Variants in MDH1 observed in about 807,000 individuals in gnomAD.
MDH1 encodes the protein malate dehydrogenase, cytoplasmic.
A neutral mutation model predicts 38.7 loss-of-function variants in MDH1; 15 were observed. The ratio of observed to expected loss-of-function variants is 0.39; its 90% CI spans 0.26 to 0.60. MDH1 has a LOEUF of 0.60. Among genes scored for constraint, MDH1 ranks in the 20% least tolerant of loss-of-function variants. The pLI, the probability that MDH1 is intolerant of heterozygous loss-of-function variation, is 0.56. For missense variants in MDH1, 368 were observed against 405.2 expected (o/e 0.91, Z 0.79); for synonymous variants, 144 against 143.6 (o/e 1.00, Z -0.02).
chr2:63,600,533 C>G (rs750847952), intron 5 of MDH1, among the ~76,000 whole-genome samples: 2 of 152,290 alleles, frequency 1.3e-5, no homozygotes, highest in Admixed American at 1.3e-4. Context: ...GTATCTACCT[C>G]AGAGAGTTCT....
intron 4 of MDH1, among the ~76,000 whole-genome samples, chr2:63,598,519 C>G (rs188130661): frequency 5.9e-5 from 9 of 152,230 alleles, no homozygotes; most frequent in Admixed American, 5.2e-4. Context: ...AACTGATTTC[C>G]ATATACTTTC....
At position 63,604,738 on chromosome 2, in the gene MDH1, G is replaced by A; in HGVS notation, c.541G>A (p.Val181Ile). 6.2e-7 allele frequency: 1 copy of A among 1,614,100 alleles called. No homozygotes were observed. Among genetic ancestry groups the A allele is most frequent in the African/African-American group, 1.3e-5 (1 of 75,054 alleles). Residue 181 changes from valine (V) to isoleucine (I), a missense_variant, in exon 6 of 9, where the codon GTC becomes ATC. By Grantham distance (29) the Val-to-Ile change is conservative. Transcript: ENST00000233114. Reference protein sequence around the residue: ...LGVTANDVKNVIIWGNHSSTQ... With the variant: ...LGVTANDVKNIIIWGNHSSTQ... ...TGTGACTGCTAATGATGTAAAGAAT[G>A]TCATTATCTGGGGAAACCATTCCTC...
At chr2:63,606,797 A>T in intron 8 of MDH1, 65 bp from the exon 9 acceptor site, 1 of 1,303,008 alleles carries the variant, frequency 7.7e-7, no homozygotes, top group Non-Finnish European at 1.1e-6. Flanking sequence ...AAGTTCAAAC[A>T]AGGTTGTTGC....
At position 63,599,313 on chromosome 2, in the gene MDH1, A is replaced by C. The variant is rs1411516546; in HGVS notation, c.498+21A>C. 5 of 1,600,316 alleles carry C rather than the reference A, an allele frequency of 3.1e-6. No individual in the cohort carries two copies. In the Admixed American group the frequency reaches 8.6e-5, roughly 28 times the overall value. ...CTCAAGTAAGAAAAATATATTTTAA[A>C]TCTTGTGGTTGTTCAACTTTAAAAC... On this transcript the variant is annotated intron_variant, in intron 5 of 8. Transcript: ENST00000233114.
chr2:63,590,359 G>C (rs1011868403), intron 1 of MDH1: 3 of 152,018 alleles, frequency 2.0e-5, no homozygotes, highest in Non-Finnish European at 2.9e-5. Context: ...TTTCTATATT[G>C]TGTCTTACAC....
At chr2:63,606,753 G>T in intron 8 of MDH1, 109 bp from the exon 9 acceptor site, 2 of 630,178 alleles carry the variant, frequency 3.2e-6, no homozygotes, top group Non-Finnish European at 2.4e-6. Context: ...ATTTACTTTA[G>T]AATCAGACTT....
At position 63,599,233 on chromosome 2, in the gene MDH1, AT is replaced by A; in HGVS notation, c.440del (p.Ile147ThrfsTer9). 1 of 1,613,702 alleles carries A rather than the reference AT, an allele frequency of 6.2e-7. No individual in the cohort carries two copies. Among genetic ancestry groups the A allele is most frequent in the Non-Finnish European group, 8.5e-7 (1 of 1,179,736 alleles). ...GACTGCTTCCAAGTCAGCTCCATCC[AT>A]CCCCAAGGAGAACTTCAGTTGCTTG... ...CLTASKSAPS[I>X]PKENFSCLTR... On this transcript the variant is annotated frameshift_variant, in exon 5 of 9. Coordinates refer to ENST00000233114, the MANE Select transcript of MDH1 (RefSeq NM_005917.4). LOFTEE classifies it high-confidence loss of function.
chr2:63,599,396 GT>G, intron 5 of MDH1, 104 bp downstream of exon 5: 1 of 1,155,214 alleles, frequency 8.7e-7, no homozygotes, highest in Non-Finnish European at 1.2e-6. Flanking sequence ...TCTTGTTTTT[GT>G]TTAGTAGGAA....
At chr2:63,591,320 TTCTC>T (rs565506761) in intron 1 of MDH1, among the ~76,000 whole-genome samples, 1 of 152,234 alleles carries the variant, frequency 6.6e-6, no homozygotes, top group African/African-American at 2.4e-5. Flanking sequence ...GGACTTTTCT[TTCTC>T]TGTTTCATCT....
intron 1 of MDH1, among the ~76,000 whole-genome samples, chr2:63,592,488 C>G (rs1279394871): frequency 6.6e-6 from 1 of 152,104 alleles, no homozygotes; most frequent in African/African-American, 2.4e-5. Flanking sequence ...GTGGCTGGAA[C>G]TACAGCATCT....
At chr2:63,602,018 C>T (rs76354564) in intron 5 of MDH1, among the ~76,000 whole-genome samples, 1 of 152,330 alleles carries the variant, frequency 6.6e-6, no homozygotes, top group African/African-American at 2.4e-5. Flanking sequence ...AGATCAATAG[C>T]TGGGTACCCC....
chr2:63,604,437 A>G (rs1709488513), intron 5 of MDH1, among the ~76,000 whole-genome samples: 1 of 152,216 alleles, frequency 6.6e-6, no homozygotes, highest in Non-Finnish European at 1.5e-5. Flanking sequence ...TAATAAGTTA[A>G]CCACAAACTA....
chr2:63,595,071 C>T (rs2106606109), intron 2 of MDH1: 2 of 325,892 alleles, frequency 6.1e-6, no homozygotes, highest in East Asian at 1.7e-4. Context: ...ATTATTCTTT[C>T]ATGTCAGATA....
intron 4 of MDH1, 92 bp from the exon 5 acceptor site, chr2:63,599,078 G>A (rs899042788): frequency 2.0e-4 from 271 of 1,329,304 alleles, no homozygotes; most frequent in Non-Finnish European, 8.5e-5. Flanking sequence ...CTGTACAAAG[G>A]CTACCTGTTA....
At chr2:63,590,528 T>C (rs1575718478) in intron 1 of MDH1, 1 of 152,220 alleles carries the variant, frequency 6.6e-6, no homozygotes, top group African/African-American at 2.4e-5. Flanking sequence ...AACTCAAATA[T>C]GTTATCAGCA....
intron 4 of MDH1, chr2:63,597,829 CAT>C (rs1380679902): frequency 8.1e-6 from 2 of 245,770 alleles, no homozygotes; most frequent in Non-Finnish European, 1.5e-5. Flanking sequence ...AGTTCTTAAA[CAT>C]ATAGAGAAGG....
At chr2:63,591,700 A>G (rs1709204608) in intron 1 of MDH1, among the ~76,000 whole-genome samples, 1 of 152,212 alleles carries the variant, frequency 6.6e-6, no homozygotes, top group Middle Eastern at 3.2e-3. Context: ...TGGAAATGCA[A>G]ATCCATATCA....
At chr2:63,602,934 C>CTTTTGTTTTTTTT (rs1709452776) in intron 5 of MDH1, among the ~76,000 whole-genome samples, 26 of 131,618 alleles carry the variant, frequency 2.0e-4, no homozygotes, top group Non-Finnish European at 3.9e-4. Flanking sequence ...TTTAACCGTT[C>CTTTTGTTTTTTTT]TTTTTTTTTT....
chr2:63,603,006 C>T (rs1248763448), intron 5 of MDH1, among the ~76,000 whole-genome samples: 1 of 126,198 alleles, frequency 7.9e-6, no homozygotes, highest in Non-Finnish European at 1.7e-5. Context: ...GTCGCCTAGG[C>T]TGGAGTGCAA....
Sources: gnomAD v4.1 joint callset for allele counts (sites outside exome capture counted in the v4.1 genomes callset) on GRCh38, gnomAD v4.1.1 for gene constraint, MANE v1.5 for transcripts, NCBI Gene and HGNC (gene_info 2026-07-23, HGNC 2026-07-21) for gene names.